NFIB: variants seen among roughly 807,000 people sequenced by gnomAD.
The protein encoded by NFIB is nuclear factor 1 B-type.
Under a neutral mutation model 61.5 loss-of-function variants are expected in NFIB, and 11 were observed. That is an observed-to-expected ratio of 0.18 (90% CI 0.11 to 0.30). The LOEUF (loss-of-function observed/expected upper bound fraction) is 0.30, where lower values mean the gene tolerates loss of function less well. Ranked by LOEUF, NFIB falls within the 10% of genes least tolerant of loss-of-function variation. The pLI is 1.00. For missense variants in NFIB, 471 were observed against 608.9 expected, an observed-to-expected ratio of 0.77 and a Z score of 2.38; for synonymous variants, 260 against 216.5, an observed-to-expected ratio of 1.20 and a Z score of -1.76.
At chr9:14,376,707 A>G (rs2061424097) in intron 1 of NFIB, among the ~76,000 whole-genome samples, 2 of 152,176 alleles carry the variant, frequency 1.3e-5, no homozygotes, top group South Asian at 2.1e-4. Context: ...GGGTAGAGAC[A>G]GGGTTTCACC....
chr9:14,492,192 T>A, the NFIB span, among the ~76,000 whole-genome samples: 1 of 151,902 alleles, frequency 6.6e-6, no homozygotes, highest in East Asian at 1.9e-4. Context: ...TGAAACCCCG[T>A]CTCTACTAAA....
the NFIB span, among the ~76,000 whole-genome samples, chr9:14,465,729 T>G: frequency 0.018 from 2,716 of 152,138 alleles, 68 homozygotes; most frequent in African/African-American, 0.061. Context: ...TGGAACATGT[T>G]GGGGAGACAT....
chr9:14,215,069 G>C (rs75872364), intron 2 of NFIB, among the ~76,000 whole-genome samples: 5,782 of 152,200 alleles, frequency 0.038, 358 homozygotes, highest in African/African-American at 0.13. Context: ...TTTTCTGTAA[G>C]TATATTACTT....
intron 1 of NFIB, among the ~76,000 whole-genome samples, chr9:14,353,993 C>G (rs1300166773): frequency 6.6e-6 from 1 of 151,714 alleles, no homozygotes; most frequent in Non-Finnish European, 1.5e-5. Context: ...GGGCAAATCA[C>G]TTAAAATGTT....
At chr9:14,347,931 C>T (rs973016235) in intron 1 of NFIB, among the ~76,000 whole-genome samples, 6 of 152,172 alleles carry the variant, frequency 3.9e-5, no homozygotes, top group Non-Finnish European at 7.4e-5. Flanking sequence ...CGCGTAGTTT[C>T]GCGTCGCACG....
chr9:14,200,011 T>C (rs1224825256), intron 2 of NFIB, among the ~76,000 whole-genome samples: 5 of 152,158 alleles, frequency 3.3e-5, no homozygotes, highest in Non-Finnish European at 7.4e-5. Flanking sequence ...AACTGTTCCT[T>C]ACTGCTGCTG....
chr9:14,377,077 A>C (rs1428667916), intron 1 of NFIB, among the ~76,000 whole-genome samples: 1 of 152,256 alleles, frequency 6.6e-6, no homozygotes, highest in Admixed American at 6.5e-5. Context: ...ATGAAGCAAT[A>C]ATAAGTAAAC....
intron 5 of NFIB, 88 bp downstream of exon 5, chr9:14,150,057 T>C (rs2042691625): frequency 6.5e-7 from 1 of 1,546,892 alleles, no homozygotes; most frequent in Admixed American, 2.0e-5. Flanking sequence ...CATCTCTCTT[T>C]ACCTACCTAC....
intron 2 of NFIB, among the ~76,000 whole-genome samples, chr9:14,183,038 AAATT>A (rs935784928): frequency 6.6e-6 from 1 of 152,118 alleles, no homozygotes; most frequent in Admixed American, 6.6e-5. Context: ...TAAAATGAAA[AAATT>A]AATCATTTTT....
chr9:14,452,447 GAAAGGAAAGGAAAGGAAAGGAAAGGA>G, the NFIB span, among the ~76,000 whole-genome samples: 65,123 of 125,742 alleles, frequency 0.52, 19,091 homozygotes, highest in African/African-American at 0.7. Context: ...GGAAGGAAAG[GAAAGGAAAGGAAAGGAAAGGAAAGGA>G]AAGGAAAGGA....
chr9:14,239,967 T>C (rs182723464), intron 2 of NFIB, among the ~76,000 whole-genome samples: 110 of 152,230 alleles, frequency 7.2e-4, no homozygotes, highest in African/African-American at 2.2e-3. Context: ...TAAAAAGGAA[T>C]GAGTAAAAAA....
intron 10 of NFIB, among the ~76,000 whole-genome samples, chr9:14,110,974 A>C (rs1048717155): frequency 1.9e-4 from 29 of 152,240 alleles, no homozygotes; most frequent in African/African-American, 6.3e-4. Context: ...TCAGCTATAA[A>C]GAACTTTTTT....
At chr9:14,381,073 CA>C (rs34848529) in intron 1 of NFIB, among the ~76,000 whole-genome samples, 21,404 of 80,934 alleles carry the variant, frequency 0.26, 683 homozygotes, top group Non-Finnish European at 0.31. Flanking sequence ...GACTCCGTCT[CA>C]AAAAAAAAAA....
At chr9:14,428,210 T>C in the NFIB span, among the ~76,000 whole-genome samples, 299 of 152,172 alleles carry the variant, frequency 2.0e-3, no homozygotes, top group African/African-American at 6.8e-3. Context: ...CCTCCCAAAG[T>C]GCTGGGATTA....
At chr9:14,530,413 G>GGAGGGAGAGA in the NFIB span, among the ~76,000 whole-genome samples, 4 of 149,538 alleles carry the variant, frequency 2.7e-5, no homozygotes, top group Admixed American at 6.7e-5. Context: ...AAAGAGAGAG[G>GGAGGGAGAGA]GAGAGAGAGA....
At position 14,237,842 on chromosome 9, in the gene NFIB, A is replaced by AGTGTGTGTGTGTGTGT. The variant is rs200054648; in HGVS notation, c.563-58078_563-58063dup. Among the ~76,000 whole-genome samples the AGTGTGTGTGTGTGTGT allele has an allele frequency of 4.5e-3, 238 of 52,538 alleles. 20 individuals are homozygous for AGTGTGTGTGTGTGTGT. Among genetic ancestry groups the AGTGTGTGTGTGTGTGT allele is most frequent in the Middle Eastern group, 0.014 (1 of 72 alleles). 34.5% of individuals were successfully genotyped at this position (52,538 alleles called of 152,430 possible). On this transcript the variant is annotated intron_variant, in intron 2 of 10. Coordinates refer to ENST00000380953, the MANE Select transcript of NFIB (RefSeq NM_001190737.2). ...AGCTCCTCACCCTGCTAGGTATAAC[A>AGTGTGTGTGTGTGTGT]GTGTGTGTGTGTGTGTGTGTGTGTG...
the NFIB span, among the ~76,000 whole-genome samples, chr9:14,426,118 T>C: frequency 6.6e-6 from 1 of 152,056 alleles, no homozygotes; most frequent in African/African-American, 2.4e-5. Flanking sequence ...TGCCATTGAG[T>C]TTTCCCAAAT....
At chr9:14,265,183 T>C (rs995031554) in intron 2 of NFIB, among the ~76,000 whole-genome samples, 4 of 152,212 alleles carry the variant, frequency 2.6e-5, no homozygotes, top group Non-Finnish European at 4.4e-5. Context: ...TTGGATATTA[T>C]ATCCTATTTG....
intron 1 of NFIB, among the ~76,000 whole-genome samples, chr9:14,328,126 G>A (rs2060776855): frequency 6.6e-6 from 1 of 152,064 alleles, no homozygotes; most frequent in African/African-American, 2.4e-5. Flanking sequence ...CTTCATATCT[G>A]GCACCTTCTG....
Sources: gnomAD v4.1 joint callset for allele counts (sites outside exome capture counted in the v4.1 genomes callset) on GRCh38, gnomAD v4.1.1 for gene constraint, MANE v1.5 for transcripts, NCBI Gene and HGNC (gene_info 2026-07-23, HGNC 2026-07-21) for gene names.